PECAM1: variants seen among roughly 807,000 people sequenced by gnomAD.
PECAM1 encodes platelet endothelial cell adhesion molecule.
Under a neutral mutation model 13.8 loss-of-function variants are expected in PECAM1, and 8 were observed. The ratio of observed to expected loss-of-function variants is 0.58; its 90% CI spans 0.34 to 1.05. The LOEUF is 1.05. PECAM1 is among the 50% of genes least tolerant of loss of function. The probability of loss-of-function intolerance (pLI) is 0.03; values close to 1 mark genes in which losing one functional copy is unlikely to be tolerated. For synonymous variants in PECAM1, 136 were observed against 52.6 expected (o/e 2.58, Z -6.86); for missense variants, 304 against 141.2 (o/e 2.15, Z -5.84).
rs2034814593 is a variant in PECAM1, at chr17:64,321,698, C to T, written c.*2118G>A. The T allele has an allele frequency of 1.2e-6, 1 of 854,876 alleles. No individual in the cohort carries two copies. Among genetic ancestry groups the T allele is most frequent in the Non-Finnish European group, 1.5e-6 (1 of 646,030 alleles). The allele number at this position is 854,876 out of a possible 1,614,324, so 53.0% of individuals were successfully genotyped here. ...ATCGCTTGAGCCCAGGGGTTCGAGG[C>T]TGCGGTGAGCCATTGTTGTGCCACT... On this transcript the variant is annotated 3_prime_UTR_variant, in exon 16 of 16. Transcript: ENST00000563924.
At chr17:64,348,834 C>T (rs1165080397) in intron 12 of PECAM1, among the ~76,000 whole-genome samples, 1 of 152,140 alleles carries the variant, frequency 6.6e-6, no homozygotes, top group African/African-American at 2.4e-5. Flanking sequence ...GTACGAACCC[C>T]GCACTGGTCC....
chr17:64,387,530 G>T (rs980340877), intron 2 of PECAM1, among the ~76,000 whole-genome samples: 3 of 152,194 alleles, frequency 2.0e-5, no homozygotes, highest in Non-Finnish European at 4.4e-5. Context: ...TTCTAGAAGT[G>T]GTGGTAGGGG....
At chr17:64,358,109 G>GTTTTT (rs1555650936) in intron 7 of PECAM1, among the ~76,000 whole-genome samples, 12 of 63,612 alleles carry the variant, frequency 1.9e-4, no homozygotes, top group East Asian at 1.2e-3. Context: ...TTTGGCCACA[G>GTTTTT]TCTTTTTTTT....
chr17:64,384,159 A>T (rs2036542957), intron 2 of PECAM1, among the ~76,000 whole-genome samples: 3 of 152,092 alleles, frequency 2.0e-5, no homozygotes, highest in African/African-American at 7.2e-5. Context: ...ACAATAAACG[A>T]ACTCAATGGA....
intron 2 of PECAM1, among the ~76,000 whole-genome samples, chr17:64,379,405 G>A (rs1229201231): frequency 6.6e-5 from 10 of 152,286 alleles, no homozygotes; most frequent in African/African-American, 2.4e-4. Context: ...TCAGTTGGTT[G>A]GTTGTGGGCA....
chr17:64,348,865 CG>C (rs2035646284), intron 12 of PECAM1, among the ~76,000 whole-genome samples: 2 of 152,174 alleles, frequency 1.3e-5, no homozygotes, highest in African/African-American at 4.8e-5. Context: ...TACAGGGCCT[CG>C]GGGCCCATGG....
chr17:64,341,796 AC>A (rs1227422340), intron 13 of PECAM1, 106 bp from the exon 14 acceptor site: 6 of 404,202 alleles, frequency 1.5e-5, no homozygotes, highest in Non-Finnish European at 1.3e-5. Flanking sequence ...GCTGTACCCC[AC>A]CACTGCACCC....
intron 2 of PECAM1, among the ~76,000 whole-genome samples, chr17:64,386,119 T>C (rs1019147619): frequency 3.3e-5 from 5 of 152,180 alleles, no homozygotes; most frequent in East Asian, 1.9e-4. Flanking sequence ...ACAGGACTTG[T>C]TTCTGGGGTG....
At chr17:64,327,239 C>A (rs1448696108) in intron 15 of PECAM1, among the ~76,000 whole-genome samples, 5 of 152,166 alleles carry the variant, frequency 3.3e-5, no homozygotes, top group Non-Finnish European at 5.9e-5. Context: ...CCTACTATTG[C>A]CCAAGTGATG....
intron 5 of PECAM1, among the ~76,000 whole-genome samples, chr17:64,364,076 G>C (rs2036047054): frequency 6.6e-6 from 1 of 152,098 alleles, no homozygotes; most frequent in Non-Finnish European, 1.5e-5. Context: ...TAGACCGCTA[G>C]CAAGCCTAAT....
chr17:64,378,140 C>A (rs2143879180), intron 2 of PECAM1, 23 bp from the exon 3 acceptor site: 1 of 470,958 alleles, frequency 2.1e-6, no homozygotes, highest in Non-Finnish European at 3.9e-6. Flanking sequence ...GGAAGGAAGG[C>A]AGACATACCT....
At chr17:64,379,587 T>G (rs1276520868) in intron 2 of PECAM1, among the ~76,000 whole-genome samples, 1 of 152,136 alleles carries the variant, frequency 6.6e-6, no homozygotes, top group Non-Finnish European at 1.5e-5. Flanking sequence ...CCTTGACATA[T>G]CTCAAAGCAC....
At chr17:64,341,917 A>AG (rs1312780322) in intron 13 of PECAM1, among the ~76,000 whole-genome samples, 1 of 152,054 alleles carries the variant, frequency 6.6e-6, no homozygotes, top group African/African-American at 2.4e-5. Flanking sequence ...TGGGAGGGTG[A>AG]GGGGGGCAGA....
intron 10 of PECAM1, among the ~76,000 whole-genome samples, chr17:64,352,869 T>C (rs1410134414): frequency 6.6e-6 from 1 of 152,010 alleles, no homozygotes; most frequent in African/African-American, 2.4e-5. Context: ...AGGCTGGTCT[T>C]GAACTCCTGA....
At position 64,322,372 on chromosome 17, in the gene PECAM1, G is replaced by T; in HGVS notation, c.*1444C>A. The T allele has an allele frequency of 1.0e-6, 1 of 973,338 alleles. No individual in the cohort carries two copies. Among genetic ancestry groups the T allele is most frequent in the Non-Finnish European group, 1.2e-6 (1 of 818,420 alleles). 60.3% of individuals were successfully genotyped at this position (973,338 alleles called of 1,614,324 possible). Reference sequence around the variant, plus strand: ...CTGCAGTCCAGCCCGGGCAACAAGAGCGAATCTCCGTCTCAAAACAACAAA... The same window carrying T: ...CTGCAGTCCAGCCCGGGCAACAAGATCGAATCTCCGTCTCAAAACAACAAA... On this transcript the variant is annotated 3_prime_UTR_variant, in exon 16 of 16. Transcript: ENST00000563924.
intron 5 of PECAM1, among the ~76,000 whole-genome samples, chr17:64,367,550 CAAA>C (rs1178085807): frequency 1.3e-4 from 13 of 97,746 alleles, no homozygotes; most frequent in Admixed American, 2.1e-4. Flanking sequence ...AACTCCATCT[CAAA>C]AAAAAAAAAA....
Position 64,323,428 on chromosome 17 carries a change from T to C in PECAM1, c.*388A>G, listed in dbSNP as rs563201309. On this transcript the variant is annotated 3_prime_UTR_variant, in exon 16 of 16. Transcript: ENST00000563924. Reference sequence around the variant, plus strand: ...TAACCAGGCCATGCGCTAGAAATGATTGAGTATAAAAAAGAAAATTGGTTT... The same window carrying C: ...TAACCAGGCCATGCGCTAGAAATGACTGAGTATAAAAAAGAAAATTGGTTT... 1.8e-6 allele frequency: 2 copies of C among 1,140,642 alleles called. No homozygotes were observed. Among genetic ancestry groups the C allele is most frequent in the East Asian group, 6.5e-5 (1 of 15,396 alleles). The allele number at this position is 1,140,642 out of a possible 1,614,324, so 70.7% of individuals were successfully genotyped here. A position where few individuals can be genotyped will look rare whatever the true frequency, so the allele number is the denominator to read the frequency against.
At position 64,323,650 on chromosome 17, in the gene PECAM1, TAGC is replaced by T; in HGVS notation, c.*163_*165del. On this transcript the variant is annotated 3_prime_UTR_variant, in exon 16 of 16. Transcript: ENST00000563924. ...TATCTCTTTCTACCCAACATTAACTTAGCAGGATGGATTTAAGAACCGGCAGCT... is the reference window on the plus strand; with the variant it reads ...TATCTCTTTCTACCCAACATTAACTTAGGATGGATTTAAGAACCGGCAGCT... The T allele has an allele frequency of 6.7e-7, 1 of 1,484,642 alleles. No homozygotes were observed. Among genetic ancestry groups the T allele is most frequent in the Middle Eastern group, 2.2e-4 (1 of 4,590 alleles). The allele number at this position is 1,484,642 out of a possible 1,614,324, so 92.0% of individuals were successfully genotyped here. A position where few individuals can be genotyped will look rare whatever the true frequency, so the allele number is the denominator to read the frequency against.
chr17:64,358,832 C>T (rs907830566), intron 7 of PECAM1, among the ~76,000 whole-genome samples: 12 of 151,002 alleles, frequency 7.9e-5, no homozygotes, highest in South Asian at 4.2e-4. Context: ...AGTCTTGCTC[C>T]GTTGCCCAGG....
Sources: allele counts gnomAD v4.1 joint callset (sites outside exome capture counted in the v4.1 genomes callset), GRCh38; gene constraint gnomAD v4.1.1; transcripts MANE v1.5; gene names NCBI Gene and HGNC (gene_info 2026-07-23, HGNC 2026-07-21).